MYOM1: variants seen among roughly 807,000 people sequenced by gnomAD.
MYOM1 encodes the protein myomesin 1.
Under a neutral mutation model 205.3 loss-of-function variants are expected in MYOM1, and 164 were observed. That is an observed-to-expected ratio of 0.80 (90% CI 0.70 to 0.91). The LOEUF (loss-of-function observed/expected upper bound fraction) is 0.91. MYOM1 is among the 40% of genes least tolerant of loss of function. MYOM1 has a pLI of 0.00. For synonymous variants in MYOM1, 772 were observed against 789.4 expected, an observed-to-expected ratio of 0.98 and a Z score of 0.37; for missense variants, 2,011 against 2,127.3, an observed-to-expected ratio of 0.95 and a Z score of 1.08.
chr18:3,102,482 C>G lies in MYOM1; in HGVS notation c.3567G>C (p.Lys1189Asn). The G allele has an allele frequency of 6.2e-7, 1 of 1,610,790 alleles. No homozygotes were observed. The highest frequency in any genetic ancestry group is 8.5e-7 in the Non-Finnish European group (1 of 1,178,290). The change falls in exon 23 of 38, where the codon AAG (lysine) becomes AAC (asparagine). Residue 1189 changes from lysine to asparagine, a missense_variant. Transcript: ENST00000356443. The stretch of plus-strand genomic sequence containing the variant: ...ATTGACATAGTCCTTACTTGTTGCC[C>G]TTGCTTTCGACTTCCAATCGTGGAG... Reference protein sequence around the residue: ...EDSPRLEVESKGNKTKMTFKD... With the variant: ...EDSPRLEVESNGNKTKMTFKD...
intron 19 of MYOM1, among the ~76,000 whole-genome samples, chr18:3,121,835 C>T (rs1044046044): frequency 3.3e-5 from 5 of 152,104 alleles, no homozygotes; most frequent in African/African-American, 1.2e-4. Context: ...AAACACAGAA[C>T]AGGCCAGGTG....
At chr18:3,072,566 T>C (rs9948165) in intron 36 of MYOM1, among the ~76,000 whole-genome samples, 48,217 of 150,984 alleles carry the variant, frequency 0.32, 7,920 homozygotes, top group African/African-American at 0.37. Context: ...GTTGGCCAGG[T>C]TGGTCTTGAG....
intron 23 of MYOM1, among the ~76,000 whole-genome samples, chr18:3,101,989 A>ATTTTTT (rs35882298): frequency 3.6e-5 from 2 of 55,848 alleles, no homozygotes; most frequent in Admixed American, 2.3e-4. Flanking sequence ...TCAGTCTGGG[A>ATTTTTT]TTTTTTTTTT....
At position 3,161,511 on chromosome 18, in the gene MYOM1, A is replaced by AT. The variant is rs1316421196; in HGVS notation, c.1501+2766dup. ...GTGATGAGGGCACTAAGCAGAAGTG[A>AT]TGAGGGCAATTCGGCCTCTGCCCCT... On this transcript the variant is annotated intron_variant, in intron 10 of 37. Coordinates refer to ENST00000356443, the MANE Select transcript of MYOM1 (RefSeq NM_003803.4). Among the ~76,000 whole-genome samples, 5 of 152,210 alleles carry AT rather than the reference A, an allele frequency of 3.3e-5. 1 individual carries two copies. The highest frequency in any genetic ancestry group is 3.3e-4 in the Admixed American group (5 of 15,282).
intron 13 of MYOM1, among the ~76,000 whole-genome samples, 194 bp downstream of exon 13, chr18:3,148,951 G>A (rs906259307): frequency 2.7e-5 from 4 of 149,388 alleles, no homozygotes; most frequent in African/African-American, 4.9e-5. Flanking sequence ...GCAGTATACC[G>A]TATGACAATT....
chr18:3,108,349 C>T (rs1054683240), intron 22 of MYOM1, among the ~76,000 whole-genome samples: 1 of 152,084 alleles, frequency 6.6e-6, no homozygotes, highest in Non-Finnish European at 1.5e-5. Context: ...ATTTTATACT[C>T]AGAATTTGAA....
Position 3,215,208 on chromosome 18 carries a change from A to G in MYOM1, c.16T>C (p.Tyr6His), listed in dbSNP as rs1183185481. 1.2e-6 allele frequency: 2 copies of G among 1,611,074 alleles called. No homozygotes were observed. Among genetic ancestry groups the G allele is most frequent in the Middle Eastern group, 1.7e-4 (1 of 6,058 alleles). Residue 6 changes from tyrosine (Y) to histidine (H), a missense_variant, in exon 2 of 38, where the codon TAT becomes CAT. By Grantham distance (83) the Tyr-to-His change is moderately conservative. Coordinates refer to ENST00000356443, the MANE Select transcript of MYOM1 (RefSeq NM_003803.4). ...TCATAGTGCTGGTGGCACCTCTGAT[A>G]AAAAGGCAAAGACATCCTGTGCCCC... is the stretch of plus-strand genomic sequence containing the variant. Reference protein sequence around the residue: MSLPFYQRCHQHYDLS... With the variant: MSLPFHQRCHQHYDLS...
chr18:3,115,841 A>G (rs1268172424), intron 21 of MYOM1, among the ~76,000 whole-genome samples: 1 of 152,294 alleles, frequency 6.6e-6, no homozygotes, highest in Non-Finnish European at 1.5e-5. Context: ...CTGTTCCACT[A>G]ATCTCTGAGA....
At chr18:3,083,056 C>T (rs868081405) in intron 33 of MYOM1, among the ~76,000 whole-genome samples, 3 of 152,102 alleles carry the variant, frequency 2.0e-5, no homozygotes, top group African/African-American at 4.8e-5. Flanking sequence ...ATGTGTTAAC[C>T]GTGTGTATAG....
At chr18:3,092,656 T>C (rs1444872186) in intron 26 of MYOM1, among the ~76,000 whole-genome samples, 1 of 152,180 alleles carries the variant, frequency 6.6e-6, no homozygotes, top group Non-Finnish European at 1.5e-5. Context: ...TTTTGCTATA[T>C]ATAAAATGTC....
At chr18:3,235,315 CCTT>C in the MYOM1 span, among the ~76,000 whole-genome samples, 3 of 152,190 alleles carry the variant, frequency 2.0e-5, no homozygotes, top group Non-Finnish European at 4.4e-5. Flanking sequence ...TATTTCTCCT[CCTT>C]ACTTCAGTGA....
chr18:3,081,387 T>C (rs2079084734), intron 33 of MYOM1, among the ~76,000 whole-genome samples: 2 of 152,166 alleles, frequency 1.3e-5, no homozygotes, highest in Admixed American at 1.3e-4. Flanking sequence ...TCAAGGGTTT[T>C]TTTCCCCTCT....
chr18:3,089,375 T>C (rs2079193388), intron 28 of MYOM1, 134 bp from the exon 29 acceptor site: 1 of 823,922 alleles, frequency 1.2e-6, no homozygotes, highest in Non-Finnish European at 1.9e-6. Context: ...TTAAATATTT[T>C]AATGTCTACA....
intron 10 of MYOM1, among the ~76,000 whole-genome samples, chr18:3,162,327 CA>C (rs1435845203): frequency 6.6e-6 from 1 of 152,128 alleles, no homozygotes; most frequent in Non-Finnish European, 1.5e-5. Context: ...TCCCCGGGGC[CA>C]GATACCAGGC....
At chr18:3,200,376 G>A (rs2081050282) in intron 2 of MYOM1, among the ~76,000 whole-genome samples, 1 of 152,132 alleles carries the variant, frequency 6.6e-6, no homozygotes, top group East Asian at 1.9e-4. Context: ...ATAGTAGTAA[G>A]CAAAAATTGT....
At chr18:3,204,360 A>G (rs1411724602) in intron 2 of MYOM1, among the ~76,000 whole-genome samples, 1 of 152,014 alleles carries the variant, frequency 6.6e-6, no homozygotes, top group Non-Finnish European at 1.5e-5. Context: ...TGTTGGTACT[A>G]ATAAATGAGT....
rs1185807634 is a variant in MYOM1 at position 3,083,980 on chromosome 18, T to C, written c.4378+9A>G. 2 of 1,588,784 alleles carry C rather than the reference T, an allele frequency of 1.3e-6. No homozygotes were observed. Among genetic ancestry groups the C allele is most frequent in the Non-Finnish European group, 1.7e-6 (2 of 1,166,012 alleles). On this transcript the variant is annotated intron_variant, in intron 32 of 37. Transcript: ENST00000356443. ...AAAGCATTGTTGTGGTGCGAAATGT[T>C]TGACTCACCTATTTTTTTGCATACT...
chr18:3,220,462 A>G (rs926666195), upstream of MYOM1, among the ~76,000 whole-genome samples: 3 of 152,162 alleles, frequency 2.0e-5, no homozygotes, highest in African/African-American at 7.2e-5. Flanking sequence ...CTTCAGGAAA[A>G]TTTACAAGGT....
At chr18:3,233,094 C>T in the MYOM1 span, among the ~76,000 whole-genome samples, 1 of 152,166 alleles carries the variant, frequency 6.6e-6, no homozygotes, top group African/African-American at 2.4e-5. Flanking sequence ...ATTGTTCTCC[C>T]CTGCCTTGGA....
Sources: allele counts gnomAD v4.1 joint callset (sites outside exome capture counted in the v4.1 genomes callset), GRCh38; gene constraint gnomAD v4.1.1; transcripts MANE v1.5; gene names NCBI Gene and HGNC (gene_info 2026-07-23, HGNC 2026-07-21).